The following ATXN7L3 variants were observed in gnomAD, a reference collection of about 807,000 sequenced individuals.
ATXN7L3 encodes ataxin 7 like 3.
ATXN7L3 carries 6 observed loss-of-function variants against 50.0 expected under a neutral mutation model. The observed-to-expected ratio is 0.12, with a 90% CI of 0.07 to 0.24. The LOEUF is 0.24. ATXN7L3 is among the 10% of genes least tolerant of loss of function. The pLI, the probability that ATXN7L3 is intolerant of heterozygous loss-of-function variation, is 1.00. For synonymous variants in ATXN7L3, 198 were observed against 165.8 expected (o/e 1.19, Z -1.49); for missense variants, 322 against 451.3 (o/e 0.71, Z 2.60).
rs759005354 is a variant in ATXN7L3, at chr17:44,193,405, C to T, written c.*858G>A. The T allele has an allele frequency of 3.3e-4, 51 of 152,542 alleles. No individual in the cohort carries two copies. The highest frequency in any genetic ancestry group is 7.2e-4 in the Non-Finnish European group (49 of 68,060). 9.4% of individuals were successfully genotyped at this position (152,542 alleles called of 1,614,324 possible). On this transcript the variant is annotated 3_prime_UTR_variant, in exon 13 of 13. Coordinates refer to ENST00000587097, the MANE Select transcript of ATXN7L3 (RefSeq NM_001382309.1). ...GGTGAGGCTGGGTCCCTTCCTGGGG[C>T]AGGGAATGAGGTAAGAAAACATTTC...
rs1291917102 is a variant in ATXN7L3 at position 44,199,474 on chromosome 17, CCCGTCT to C, written c.-61+16_-61+21del. The C allele has an allele frequency of 1.4e-5, 2 of 145,130 alleles. No homozygotes were observed. Among genetic ancestry groups the C allele is most frequent in the Non-Finnish European group, 3.1e-5 (2 of 65,064 alleles). The allele number at this position is 145,130 out of a possible 1,614,324, so 9.0% of individuals were successfully genotyped here. A position where few individuals can be genotyped will look rare whatever the true frequency, so the allele number is the denominator to read the frequency against. Reference sequence around the variant, plus strand: ...CACAGGCCCCTCCCCCGTCCCCGTCCCCGTCTCCGTCCCGTACTCACCCCGCCCGGG... The same window carrying C: ...CACAGGCCCCTCCCCCGTCCCCGTCCCCGTCCCGTACTCACCCCGCCCGGG... On this transcript the variant is annotated intron_variant, in intron 1 of 12. Transcript: ENST00000587097.
chr17:44,197,174 G>A, intron 4 of ATXN7L3, 54 bp downstream of exon 4: 1 of 1,571,186 alleles, frequency 6.4e-7, no homozygotes, highest in Non-Finnish European at 8.7e-7. Context: ...AATGCCCCCG[G>A]GGGACTACAC....
rs1328872613 is a variant in ATXN7L3 at position 44,192,610 on chromosome 17, C to G, written c.*1653G>C. 6.6e-6 allele frequency: 1 copy of G among 152,318 alleles called. No individual in the cohort carries two copies. Among genetic ancestry groups the G allele is most frequent in the East Asian group, 1.9e-4 (1 of 5,174 alleles). The allele number at this position is 152,318 out of a possible 1,614,324, so 9.4% of individuals were successfully genotyped here. On this transcript the variant is annotated 3_prime_UTR_variant, in exon 13 of 13. Transcript: ENST00000587097. Reference sequence around the variant, plus strand: ...AGGGCCAAGAATAGAGAAGCCCAGGCCCCGGGATTTATTCTAACTCCTGCC... The same window carrying G: ...AGGGCCAAGAATAGAGAAGCCCAGGGCCCGGGATTTATTCTAACTCCTGCC...
rs2055794752 is a variant in ATXN7L3, at chr17:44,194,162, G to GCCCCAAC, written c.*94_*100dup. On this transcript the variant is annotated 3_prime_UTR_variant, in exon 13 of 13. Coordinates refer to ENST00000587097, the MANE Select transcript of ATXN7L3 (RefSeq NM_001382309.1). ...CTGCCTGGCCCACCAAGCTTCCCAAGCCCCAACCCCCAGCAGCCGTCCATT... is the reference window on the plus strand; with the variant it reads ...CTGCCTGGCCCACCAAGCTTCCCAAGCCCCAACCCCCAACCCCCAGCAGCCGTCCATT... 6.8e-7 allele frequency: 1 copy of GCCCCAAC among 1,478,298 alleles called. No individual in the cohort carries two copies. The highest frequency in any genetic ancestry group is 1.4e-5 in the African/African-American group (1 of 70,986). 91.6% of individuals were successfully genotyped at this position (1,478,298 alleles called of 1,614,324 possible).
intron 10 of ATXN7L3, 65 bp from the exon 11 acceptor site, chr17:44,194,904 G>A: frequency 1.3e-6 from 2 of 1,575,624 alleles, no homozygotes; most frequent in South Asian, 1.1e-5. Context: ...CCTCGGCAAG[G>A]CAGGAGCCAC....
rs1314929211 is a variant in ATXN7L3, at chr17:44,195,354, C to A, written c.621+65G>T. On this transcript the variant is annotated intron_variant, in intron 9 of 12. Transcript: ENST00000587097. ...CTAGGTCACCAGCTTCCTCCCAGGC[C>A]TTGACCACTGCCTATGGCTCCAGCC... 5.8e-6 allele frequency: 9 copies of A among 1,539,568 alleles called. No individual in the cohort carries two copies. In the Admixed American group the frequency reaches 1.5e-4, roughly 26 times the overall value.
Position 44,198,090 on chromosome 17 carries a change from C to T in ATXN7L3, c.-20G>A, listed in dbSNP as rs781290579. On this transcript the variant is annotated 5_prime_UTR_variant, in exon 2 of 13. Coordinates refer to ENST00000587097, the MANE Select transcript of ATXN7L3 (RefSeq NM_001382309.1). Reference sequence around the variant, plus strand: ...TTTCATTTGTAAACTCTTGTGGAGACGGCGCTCTGACTGCTCATAGCACAG... The same window carrying T: ...TTTCATTTGTAAACTCTTGTGGAGATGGCGCTCTGACTGCTCATAGCACAG... 4.2e-5 allele frequency: 68 copies of T among 1,613,392 alleles called. No individual in the cohort carries two copies. Among genetic ancestry groups the T allele is most frequent in the Middle Eastern group, 1.6e-4 (1 of 6,082 alleles).
At chr17:44,198,828 T>A (rs2056025931) in intron 1 of ATXN7L3, 1 of 152,258 alleles carries the variant, frequency 6.6e-6, no homozygotes, top group Non-Finnish European at 1.5e-5. Flanking sequence ...CCACCCGCCC[T>A]CCCTCAGGAC....
rs1318771940 is a variant in ATXN7L3, at chr17:44,191,886, G to A, written c.*2377C>T. The A allele has an allele frequency of 7.5e-6, 2 of 265,626 alleles. No individual in the cohort carries two copies. Among genetic ancestry groups the A allele is most frequent in the Admixed American group, 6.5e-5 (1 of 15,430 alleles). The allele number at this position is 265,626 out of a possible 1,614,324, so 16.5% of individuals were successfully genotyped here. On this transcript the variant is annotated 3_prime_UTR_variant, in exon 13 of 13. Transcript: ENST00000587097. Reference sequence around the variant, plus strand: ...ACAGCGTTTACAAAGTTAGCTACCTGTACAGAATGGATTACATATGCAAAA... The same window carrying A: ...ACAGCGTTTACAAAGTTAGCTACCTATACAGAATGGATTACATATGCAAAA...
At chr17:44,195,340 G>A in intron 9 of ATXN7L3, 79 bp downstream of exon 9, 1 of 1,483,542 alleles carries the variant, frequency 6.7e-7, no homozygotes, top group Admixed American at 1.7e-5. Flanking sequence ...TAGGTCACCA[G>A]CTTCCTCCCA....
chr17:44,195,010 A>C, intron 10 of ATXN7L3, 87 bp downstream of exon 10: 2 of 1,533,498 alleles, frequency 1.3e-6, no homozygotes, highest in Admixed American at 3.4e-5. Flanking sequence ...CAGGAGCCCC[A>C]TTGCTCAAGT....
intron 4 of ATXN7L3, 93 bp downstream of exon 4, chr17:44,197,135 C>A: frequency 6.4e-7 from 1 of 1,560,130 alleles, no homozygotes; most frequent in South Asian, 1.2e-5. Context: ...CATCTGGGGC[C>A]AAGTAAAACC....
At chr17:44,198,266 A>G in intron 1 of ATXN7L3, 136 bp from the exon 2 acceptor site, 1 of 582,752 alleles carries the variant, frequency 1.7e-6, no homozygotes, top group East Asian at 2.9e-5. Context: ...AGGCTCCCTA[A>G]GTCTGGATGG....
chr17:44,196,425 G>C lies in ATXN7L3; in HGVS notation c.455-7C>G, dbSNP rs768580188. On this transcript the variant is annotated splice_region_variant and splice_polypyrimidine_tract_variant and intron_variant, in intron 5 of 12. Transcript: ENST00000587097. ...TCTGACTTTCTCTTCTTGGCTGTGGGAAACAAAAGCATAAAGAGCAGGGTT... is the reference window on the plus strand; with the variant it reads ...TCTGACTTTCTCTTCTTGGCTGTGGCAAACAAAAGCATAAAGAGCAGGGTT... 2 of 1,614,000 alleles carry C rather than the reference G, an allele frequency of 1.2e-6. No individual in the cohort carries two copies. Among genetic ancestry groups the C allele is most frequent in the South Asian group, 2.2e-5 (2 of 91,078 alleles).
chr17:44,194,920 C>A, intron 10 of ATXN7L3, 81 bp from the exon 11 acceptor site: 1 of 1,541,356 alleles, frequency 6.5e-7, no homozygotes, highest in Non-Finnish European at 8.9e-7. Flanking sequence ...GCCACAGGCA[C>A]AGACAGGGAA....
At chr17:44,195,047 T>C (rs377721145) in intron 10 of ATXN7L3, 50 bp downstream of exon 10, 3 of 1,599,676 alleles carry the variant, frequency 1.9e-6, no homozygotes, top group Admixed American at 3.3e-5. Context: ...CCCATGCCCA[T>C]GGTGAGTGTG....
At chr17:44,195,076 C>T in intron 10 of ATXN7L3, 21 bp downstream of exon 10, 1 of 1,613,912 alleles carries the variant, frequency 6.2e-7, no homozygotes, top group Non-Finnish European at 8.5e-7. Context: ...GCCTGGCCCC[C>T]TTTCTAGGTT....
intron 2 of ATXN7L3, 68 bp from the exon 3 acceptor site, chr17:44,197,798 C>T: frequency 6.2e-7 from 1 of 1,603,550 alleles, no homozygotes; most frequent in Non-Finnish European, 8.5e-7. Flanking sequence ...CCAACCAAAT[C>T]TGCTGCCAAC....
intron 1 of ATXN7L3, 170 bp from the exon 2 acceptor site, chr17:44,198,300 G>A (rs1428398849): frequency 1.5e-5 from 8 of 534,840 alleles, no homozygotes; most frequent in Non-Finnish European, 2.3e-5. Context: ...GAAACCTAAA[G>A]GGGGCCTAGT....
Sources: allele counts gnomAD v4.1 joint callset, GRCh38; gene constraint gnomAD v4.1.1; transcripts MANE v1.5; gene names NCBI Gene and HGNC (gene_info 2026-07-23, HGNC 2026-07-21).